The following SUZ12 variants were observed in gnomAD, a reference collection of about 807,000 sequenced individuals.
SUZ12 encodes polycomb protein SUZ12.
Under a neutral mutation model 87.3 loss-of-function variants are expected in SUZ12, and 17 were observed. That is an observed-to-expected ratio of 0.19 (90% CI 0.13 to 0.29). The LOEUF (loss-of-function observed/expected upper bound fraction) is 0.29, where lower values mean the gene tolerates loss of function less well. SUZ12 is among the 10% of genes least tolerant of loss of function. The pLI is 1.00. For missense variants in SUZ12, 526 were observed against 912.2 expected (o/e 0.58, Z 5.45); for synonymous variants, 253 against 312.4 (o/e 0.81, Z 2.01).
chr17:31,965,326 TATGA>T (rs1373381050), intron 4 of SUZ12, among the ~76,000 whole-genome samples: 1 of 152,192 alleles, frequency 6.6e-6, no homozygotes, highest in Non-Finnish European at 1.5e-5. Context: ...TCAGGAGAGT[TATGA>T]ATGTCTCCTG....
chr17:31,981,731 A>G (rs1567831979), intron 8 of SUZ12, among the ~76,000 whole-genome samples: 1 of 152,272 alleles, frequency 6.6e-6, no homozygotes, highest in Non-Finnish European at 1.5e-5. Flanking sequence ...AAGAGACTTT[A>G]GAGACAGACA....
intron 3 of SUZ12, among the ~76,000 whole-genome samples, chr17:31,944,582 TA>T (rs879416229): frequency 1.2e-3 from 179 of 145,056 alleles, no homozygotes; most frequent in Admixed American, 1.5e-3. Context: ...CCCTTTAGGT[TA>T]AAAAAAAAAA....
intron 9 of SUZ12, among the ~76,000 whole-genome samples, chr17:31,986,281 T>C (rs913470596): frequency 6.6e-6 from 1 of 152,220 alleles, no homozygotes; most frequent in Non-Finnish European, 1.5e-5. Flanking sequence ...GGCATCCTTT[T>C]AAGTCAGAGC....
chr17:31,951,777 T>G (rs1367571560), intron 4 of SUZ12, among the ~76,000 whole-genome samples: 1 of 86,790 alleles, frequency 1.2e-5, no homozygotes, highest in African/African-American at 8.6e-5. Flanking sequence ...CGCCCAGCCT[T>G]TTTTTTTTTT....
intron 4 of SUZ12, among the ~76,000 whole-genome samples, chr17:31,959,398 GAC>G (rs1035338365): frequency 2.5e-4 from 38 of 152,208 alleles, no homozygotes; most frequent in African/African-American, 6.5e-4. Context: ...GTAATTAATA[GAC>G]ACACACACAT....
At chr17:31,981,592 CTT>C (rs1313305043) in intron 8 of SUZ12, among the ~76,000 whole-genome samples, 1 of 152,178 alleles carries the variant, frequency 6.6e-6, no homozygotes, top group Non-Finnish European at 1.5e-5. Context: ...TTTATTACCT[CTT>C]TGAGTAAATA....
intron 4 of SUZ12, among the ~76,000 whole-genome samples, chr17:31,959,543 A>G (rs1290297342): frequency 1.3e-5 from 2 of 152,252 alleles, no homozygotes; most frequent in Non-Finnish European, 2.9e-5. Context: ...GATGAAATGT[A>G]TATAACAAAA....
chr17:31,989,765 A>ATTTTTTTTTTTT (rs568524946), intron 10 of SUZ12, among the ~76,000 whole-genome samples: 3 of 129,862 alleles, frequency 2.3e-5, no homozygotes, highest in Non-Finnish European at 3.3e-5. Context: ...CGACCAGCTA[A>ATTTTTTTTTTTT]TTTTTTTTTT....
chr17:31,991,469 G>A (rs1011260480), intron 10 of SUZ12, among the ~76,000 whole-genome samples: 2 of 151,844 alleles, frequency 1.3e-5, no homozygotes, highest in Admixed American at 6.6e-5. Flanking sequence ...TAGGTAAAAG[G>A]TTGCATCAAA....
chr17:31,959,312 A>G (rs1455008150), intron 4 of SUZ12, among the ~76,000 whole-genome samples: 9 of 152,204 alleles, frequency 5.9e-5, no homozygotes, highest in Non-Finnish European at 1.3e-4. Context: ...AATTGTAAAA[A>G]TATTCCTTGT....
intron 8 of SUZ12, among the ~76,000 whole-genome samples, chr17:31,981,896 A>G (rs1244789715): frequency 1.3e-5 from 2 of 152,242 alleles, no homozygotes; most frequent in African/African-American, 4.8e-5. Flanking sequence ...TAAAATCTTT[A>G]TAATAGTGCC....
intron 3 of SUZ12, among the ~76,000 whole-genome samples, chr17:31,943,377 C>A (rs1263244484): frequency 6.6e-6 from 1 of 152,096 alleles, no homozygotes; most frequent in Non-Finnish European, 1.5e-5. Flanking sequence ...TTTAAAATTT[C>A]AGTCCGAAAT....
rs1345380651 is a variant in SUZ12 at position 31,976,600 on chromosome 17, A to T, written c.903A>T (p.Val301=). The T allele has an allele frequency of 6.2e-7, 1 of 1,611,982 alleles. No individual in the cohort carries two copies. The highest frequency in any genetic ancestry group is 1.7e-5 in the Admixed American group (1 of 59,920). The change falls in exon 8 of 16, where the codon GTA becomes GTT. Residue 301 remains valine (V), a synonymous_variant. Coordinates refer to ENST00000322652, the MANE Select transcript of SUZ12 (RefSeq NM_015355.4). ...GEKTFVAQMT[V]FDKNRRLQLL... is the part of the protein sequence containing the mutation. Reference sequence around the variant, plus strand: ...AGACATTTGTTGCACAAATGACAGTATTTGATAAAAACAGGTAATGTTGAT... The same window carrying T: ...AGACATTTGTTGCACAAATGACAGTTTTTGATAAAAACAGGTAATGTTGAT...
chr17:31,941,817 G>A (rs1906304483), intron 3 of SUZ12, among the ~76,000 whole-genome samples: 1 of 151,438 alleles, frequency 6.6e-6, no homozygotes. Flanking sequence ...CCAAAGTGCT[G>A]GCATTACAGG....
chr17:31,955,946 C>G (rs55797440), intron 4 of SUZ12, among the ~76,000 whole-genome samples: 15,069 of 151,750 alleles, frequency 0.099, 1,028 homozygotes, highest in Middle Eastern at 0.15. Context: ...GAGTCTCGCT[C>G]TGTCGCCCAG....
rs1046214778 is a variant in SUZ12, at chr17:32,000,081, C to T, written c.*1078C>T. The T allele has an allele frequency of 4.3e-6, 1 of 232,964 alleles. No individual in the cohort carries two copies. The highest frequency in any genetic ancestry group is 2.2e-5 in the African/African-American group (1 of 45,322). 14.4% of individuals were successfully genotyped at this position (232,964 alleles called of 1,614,324 possible). ...ATATTTGCAGTTGGATTTTCTCCAA[C>T]AGAAAGTGGATTCACTACTGGCACA... On this transcript the variant is annotated 3_prime_UTR_variant, in exon 16 of 16. Coordinates refer to ENST00000322652, the MANE Select transcript of SUZ12 (RefSeq NM_015355.4).
chr17:31,989,049 C>T (rs1236308434), intron 10 of SUZ12, among the ~76,000 whole-genome samples: 2 of 151,594 alleles, frequency 1.3e-5, no homozygotes, highest in African/African-American at 2.4e-5. Flanking sequence ...GCCTGGGAGA[C>T]AGAGCAATAC....
chr17:31,979,181 A>G (rs1908951028), intron 8 of SUZ12, among the ~76,000 whole-genome samples: 1 of 151,092 alleles, frequency 6.6e-6, no homozygotes, highest in Non-Finnish European at 1.5e-5. Context: ...ATATCCACAT[A>G]CCCTTCATCT....
In SUZ12 at chr17:31,997,734, C is replaced by T. The variant is rs1052984110; in HGVS notation, c.1874+857C>T. 3.4e-5 allele frequency among the ~76,000 whole-genome samples: 5 copies of T among 148,972 alleles called. No individual in the cohort carries two copies. The East Asian group carries it at 9.9e-4, about 29-fold the overall frequency. On this transcript the variant is annotated intron_variant, in intron 15 of 15. Coordinates refer to ENST00000322652, the MANE Select transcript of SUZ12 (RefSeq NM_015355.4). Reference sequence around the variant, plus strand: ...GACCAGGGAGCAGCAGAAGGCAAGACAGAGCTGTAGGTTCATTTAATGACC... The same window carrying T: ...GACCAGGGAGCAGCAGAAGGCAAGATAGAGCTGTAGGTTCATTTAATGACC...
Sources: gnomAD v4.1 joint callset for allele counts (sites outside exome capture counted in the v4.1 genomes callset) on GRCh38, gnomAD v4.1.1 for gene constraint, MANE v1.5 for transcripts, NCBI Gene and HGNC (gene_info 2026-07-23, HGNC 2026-07-21) for gene names.